ARAP2: variants seen among roughly 807,000 people sequenced by gnomAD.
ARAP2 encodes ArfGAP with RhoGAP domain, ankyrin repeat and PH domain 2.
Under a neutral mutation model 194.5 loss-of-function variants are expected in ARAP2, and 148 were observed. The ratio of observed to expected loss-of-function variants is 0.76; its 90% CI spans 0.67 to 0.87. The LOEUF is 0.87. Among genes scored for constraint, ARAP2 ranks in the 40% least tolerant of loss-of-function variants. The pLI is 0.00. For synonymous variants in ARAP2, 695 were observed against 683.5 expected (o/e 1.02, Z -0.26); for missense variants, 2,128 against 1,989.7 (o/e 1.07, Z -1.32).
intron 9 of ARAP2, among the ~76,000 whole-genome samples, chr4:36,007,849 T>C (rs78848541): frequency 0.012 from 1,808 of 152,210 alleles, 38 homozygotes; most frequent in African/African-American, 0.041. Flanking sequence ...TCAAAGTTCC[T>C]GGATGCAAAA....
chr4:36,220,453 C>T (rs760012963), intron 2 of ARAP2, among the ~76,000 whole-genome samples: 15 of 152,066 alleles, frequency 9.9e-5, no homozygotes, highest in Non-Finnish European at 1.9e-4. Flanking sequence ...AAGTATAGTG[C>T]ATAAAATTAT....
intron 10 of ARAP2, among the ~76,000 whole-genome samples, chr4:36,166,670 C>A (rs1469099496): frequency 6.6e-6 from 1 of 150,664 alleles, no homozygotes; most frequent in African/African-American, 2.4e-5. Flanking sequence ...AAAAAAAAAA[C>A]ATACACCATG....
At chr4:36,116,181 C>T (rs1721266974) in intron 25 of ARAP2, among the ~76,000 whole-genome samples, 1 of 151,874 alleles carries the variant, frequency 6.6e-6, no homozygotes, top group African/African-American at 2.4e-5. Flanking sequence ...GCTTCATGTA[C>T]TAAGTAATGT....
intron 28 of ARAP2, among the ~76,000 whole-genome samples, chr4:36,084,865 T>A (rs894983451): frequency 1.4e-4 from 22 of 151,980 alleles, no homozygotes; most frequent in Non-Finnish European, 2.6e-4. Flanking sequence ...TAATATGTTT[T>A]AAAAAAACCA....
At chr4:36,023,764 C>T (rs1196028205) in intron 5 of ARAP2, among the ~76,000 whole-genome samples, 3 of 151,962 alleles carry the variant, frequency 2.0e-5, no homozygotes, top group Admixed American at 6.6e-5. Flanking sequence ...GAAAAGCAAG[C>T]GGGAAAGTGG....
At chr4:36,069,096 A>C (rs1162282152) in intron 32 of ARAP2, among the ~76,000 whole-genome samples, 1 of 152,174 alleles carries the variant, frequency 6.6e-6, no homozygotes, top group Non-Finnish European at 1.5e-5. Flanking sequence ...GAAATGATCA[A>C]TAAATATTTT....
At chr4:36,111,519 A>C (rs1719982137) in intron 26 of ARAP2, among the ~76,000 whole-genome samples, 1 of 151,996 alleles carries the variant, frequency 6.6e-6, no homozygotes, top group South Asian at 2.1e-4. Flanking sequence ...CTAGGTGTAC[A>C]TGACACATTT....
intron 32 of ARAP2, among the ~76,000 whole-genome samples, chr4:36,071,693 A>ATTTTTTT (rs55918222): frequency 6.8e-6 from 1 of 147,216 alleles, no homozygotes; most frequent in African/African-American, 2.5e-5. Flanking sequence ...TTTTTTTTTA[A>ATTTTTTT]TTTTTTTTCT....
intron 19 of ARAP2, among the ~76,000 whole-genome samples, chr4:36,135,248 G>A (rs576691425): frequency 2.0e-4 from 31 of 151,862 alleles, no homozygotes; most frequent in African/African-American, 6.5e-4. Context: ...TGGGGGCCAG[G>A]TGTGGGTAAT....
At chr4:36,021,677 C>T (rs927381001) in intron 5 of ARAP2, among the ~76,000 whole-genome samples, 2 of 152,012 alleles carry the variant, frequency 1.3e-5, no homozygotes, top group South Asian at 2.1e-4. Context: ...TAAAAATTGT[C>T]GAGTCTCAGG....
Position 36,177,972 on chromosome 4 carries a change from T to C in ARAP2, c.1712A>G (p.Asn571Ser), listed in dbSNP as rs1295857762. 4.3e-6 allele frequency: 7 copies of C among 1,610,926 alleles called. No individual in the cohort carries two copies. The African/African-American group carries it at 8.0e-5, about 18-fold the overall frequency. ...ERNDWISILL[N>S]ALKSQSLTSQ... ...GGTAAGGGATTGTGATTTCAGTGCA[T>C]TTAATAGTATGCTGATCCAGTCATT... is the stretch of plus-strand genomic sequence containing the variant. The change falls in exon 9 of 33, where the codon AAT (asparagine) becomes AGT (serine). Residue 571 changes from asparagine (N) to serine (S), a missense_variant. Physicochemically the swap from Asn to Ser is conservative, Grantham distance 46 (BLOSUM62 1). Coordinates refer to ENST00000303965, the MANE Select transcript of ARAP2 (RefSeq NM_015230.4).
In ARAP2 at chr4:36,180,267, C is replaced by T. The variant is rs1044695557; in HGVS notation, c.1679-2262G>A. 4.6e-5 allele frequency among the ~76,000 whole-genome samples: 7 copies of T among 152,040 alleles called. 1 individual carries two copies. The highest frequency in any genetic ancestry group is 3.3e-4 in the Admixed American group (5 of 15,268). Reference sequence around the variant, plus strand: ...AGCCTGGGCAACAAGAGCAAAACTTCGTCCCCCCGCTCCCCCGCCAAAAAA... The same window carrying T: ...AGCCTGGGCAACAAGAGCAAAACTTTGTCCCCCCGCTCCCCCGCCAAAAAA... On this transcript the variant is annotated intron_variant, in intron 8 of 32. Coordinates refer to ENST00000303965, the MANE Select transcript of ARAP2 (RefSeq NM_015230.4).
At chr4:36,059,686 G>T (rs1237984334) in intron 1 of ARAP2, among the ~76,000 whole-genome samples, 1 of 152,104 alleles carries the variant, frequency 6.6e-6, no homozygotes, top group Admixed American at 6.6e-5. Flanking sequence ...CCCAGTAAAG[G>T]AACTGAGAAG....
chr4:36,014,330 GAAAGAAAGAA>G lies in ARAP2; in HGVS notation n.1056+1046_1056+1055del, dbSNP rs1715333106. ...GGAAGGAAAGAAAGAAAGAGAGAAA[GAAAGAAAGAA>G]AGAAAGAAAGAAAGAAAGAAAGAAA... On this transcript the variant is annotated intron_variant and non_coding_transcript_variant, in intron 8 of 12. Coordinates refer to the ARAP2 transcript ENST00000503225. Among the ~76,000 whole-genome samples, 9 of 59,554 alleles carry G rather than the reference GAAAGAAAGAA, an allele frequency of 1.5e-4. 1 individual carries two copies. The highest frequency in any genetic ancestry group is 4.5e-4 in the African/African-American group (8 of 17,614). 39.1% of individuals were successfully genotyped at this position (59,554 alleles called of 152,430 possible).
rs560394993 is a variant in ARAP2 at position 36,010,237 on chromosome 4, A to T, written n.1325+2326T>A. Among the ~76,000 whole-genome samples the T allele has an allele frequency of 4.0e-5, 6 of 151,548 alleles. No homozygotes were observed. The South Asian group carries it at 1.2e-3, about 31-fold the overall frequency. On this transcript the variant is annotated intron_variant and non_coding_transcript_variant, in intron 9 of 12. Transcript: ENST00000503225. ...ATATATTGTATATGATATATAACTGATATAGGTGAGCATTTTTAGAAAAAA... is the reference window on the plus strand; with the variant it reads ...ATATATTGTATATGATATATAACTGTTATAGGTGAGCATTTTTAGAAAAAA...
chr4:36,073,742 G>A lies in ARAP2; in HGVS notation c.4690C>T (p.Leu1564=), dbSNP rs1441476713. 1 of 1,613,286 alleles carries A rather than the reference G, an allele frequency of 6.2e-7. No individual in the cohort carries two copies. The highest frequency in any genetic ancestry group is 1.7e-5 in the Admixed American group (1 of 59,972). Reference sequence around the variant, plus strand: ...TTCCCCTCATGCTGTATAGGAATCAGAGGCAAACCTCCAATTTTGGGATTT... The same window carrying A: ...TTCCCCTCATGCTGTATAGGAATCAAAGGCAAACCTCCAATTTTGGGATTT... ...TKNPKIGGLP[L]IPIQHEGNAT... The change falls in exon 32 of 33, where the codon CTG becomes TTG. Residue 1564 remains leucine, a synonymous_variant. Transcript: ENST00000303965.
chr4:36,243,123 C>G (rs1318740186), intron 1 of ARAP2, among the ~76,000 whole-genome samples: 3 of 151,550 alleles, frequency 2.0e-5, no homozygotes, highest in Admixed American at 1.3e-4. Flanking sequence ...AGGTATTTCT[C>G]TTTTTTTCCT....
At chr4:36,184,169 TTAA>T (rs1264375659) in intron 8 of ARAP2, among the ~76,000 whole-genome samples, 4 of 152,148 alleles carry the variant, frequency 2.6e-5, no homozygotes, top group South Asian at 2.1e-4. Context: ...AAGTTTACAC[TTAA>T]TAATACTTTA....
chr4:36,205,332 T>C (rs1185845611), intron 6 of ARAP2, among the ~76,000 whole-genome samples: 2 of 152,020 alleles, frequency 1.3e-5, no homozygotes, highest in Non-Finnish European at 2.9e-5. Context: ...CAGTAAGACA[T>C]ATAAAACAAA....
Sources: allele counts gnomAD v4.1 joint callset (sites outside exome capture counted in the v4.1 genomes callset), GRCh38; gene constraint gnomAD v4.1.1; transcripts MANE v1.5; gene names NCBI Gene and HGNC (gene_info 2026-07-23, HGNC 2026-07-21).